The following IL1RAPL1 variants were observed in gnomAD, a reference collection of about 807,000 sequenced individuals.
IL1RAPL1 encodes interleukin 1 receptor accessory protein like 1.
IL1RAPL1 carries 3 observed loss-of-function variants against 48.4 expected under a neutral mutation model. The observed-to-expected ratio is 0.06, with a 90% CI of 0.03 to 0.16. The LOEUF is 0.16. Among genes scored for constraint, IL1RAPL1 ranks in the 10% least tolerant of loss-of-function variants. The probability of loss-of-function intolerance (pLI) is 1.00; values close to 1 mark genes in which losing one functional copy is unlikely to be tolerated. For missense variants in IL1RAPL1, 349 were observed against 530.6 expected (o/e 0.66, Z 3.36); for synonymous variants, 185 against 187.7 (o/e 0.99, Z 0.12).
chrX:29,332,934 G>A (rs1408451095), intron 3 of IL1RAPL1, among the ~76,000 whole-genome samples: 1 of 110,119 alleles, frequency 9.1e-6, no homozygotes, highest in African/African-American at 3.3e-5. Flanking sequence ...AGTGGACACA[G>A]CACATGTTTC....
intron 5 of IL1RAPL1, among the ~76,000 whole-genome samples, chrX:29,588,161 T>C (rs1375815530): frequency 1.8e-5 from 2 of 112,589 alleles, no homozygotes; most frequent in African/African-American, 6.5e-5. Context: ...AACATAAACA[T>C]GATTCTCTTT....
chrX:29,261,860 A>G, intron 2 of IL1RAPL1, among the ~76,000 whole-genome samples: 1 of 111,577 alleles, frequency 9.0e-6, no homozygotes. Flanking sequence ...CTTGCATAAT[A>G]CCTTTCCTTT....
At chrX:29,630,343 G>A (rs1039912485) in intron 5 of IL1RAPL1, among the ~76,000 whole-genome samples, 2 of 111,607 alleles carry the variant, frequency 1.8e-5, no homozygotes, top group African/African-American at 6.5e-5. Context: ...TTAGATCATA[G>A]CAATGACTAT....
intron 5 of IL1RAPL1, among the ~76,000 whole-genome samples, chrX:29,653,613 T>C (rs1189937126): frequency 9.0e-6 from 1 of 111,581 alleles, no homozygotes; most frequent in African/African-American, 3.2e-5. Flanking sequence ...TTATTTTTGG[T>C]AGTAATCATG....
intron 6 of IL1RAPL1, among the ~76,000 whole-genome samples, chrX:29,701,890 A>C (rs748151611): frequency 8.9e-6 from 1 of 111,877 alleles, no homozygotes; most frequent in Non-Finnish European, 1.9e-5. Flanking sequence ...AAGAGGAGTA[A>C]AAGAAAGCAT....
intron 3 of IL1RAPL1, among the ~76,000 whole-genome samples, chrX:29,382,030 G>C (rs1933718040): frequency 9.2e-6 from 1 of 108,726 alleles, no homozygotes; most frequent in Admixed American, 9.9e-5. Flanking sequence ...TTGTAAATTA[G>C]CCACCAAGGT....
At position 29,374,906 on chromosome X, in the gene IL1RAPL1, A is replaced by G. The variant is rs184300603; in HGVS notation, c.363-21352A>G. On this transcript the variant is annotated intron_variant, in intron 3 of 10. Transcript: ENST00000378993. ...AAATTGATATCCCAAATGTTTTGGA[A>G]TACTTCTAGGAAAAAACTCTCCTAC... Among the ~76,000 whole-genome samples the G allele has an allele frequency of 9.0e-5, 10 of 110,914 alleles. No individual in the cohort carries two copies. In the East Asian group the frequency reaches 1.7e-3, roughly 19 times the overall value.
chrX:28,994,377 G>A (rs761050268), intron 2 of IL1RAPL1, among the ~76,000 whole-genome samples: 1 of 111,566 alleles, frequency 9.0e-6, no homozygotes, highest in South Asian at 3.7e-4. Context: ...TGTGATTGCC[G>A]GAATGACTGG....
intron 6 of IL1RAPL1, among the ~76,000 whole-genome samples, chrX:29,722,175 CT>C (rs1569153894): frequency 9.0e-6 from 1 of 111,589 alleles, no homozygotes; most frequent in Non-Finnish European, 1.9e-5. Context: ...ACATAGTTAC[CT>C]TTTTTGTGGT....
At chrX:29,284,295 G>A (rs1190314919) in intron 3 of IL1RAPL1, among the ~76,000 whole-genome samples, 1 of 112,241 alleles carries the variant, frequency 8.9e-6, no homozygotes, top group African/African-American at 3.2e-5. Context: ...GGTGTGCTAG[G>A]ACATTGAAAT....
intron 2 of IL1RAPL1, among the ~76,000 whole-genome samples, chrX:28,878,210 C>T (rs1053607399): frequency 8.9e-6 from 1 of 111,815 alleles, no homozygotes; most frequent in African/African-American, 3.3e-5. Context: ...TACTTTATCT[C>T]AACCCTAGGT....
chrX:29,049,202 T>C (rs779969642), intron 2 of IL1RAPL1, among the ~76,000 whole-genome samples: 1 of 112,343 alleles, frequency 8.9e-6, no homozygotes, highest in African/African-American at 3.2e-5. Context: ...CAGACCGTTT[T>C]ATTGGCCTGA....
At position 29,831,983 on chromosome X, in the gene IL1RAPL1, A is replaced by G. The variant is rs141745487; in HGVS notation, c.779-85481A>G. Among the ~76,000 whole-genome samples, 52 of 111,943 alleles carry G rather than the reference A, an allele frequency of 4.6e-4. No individual in the cohort carries two copies. In the East Asian group the frequency reaches 0.013, roughly 29 times the overall value. On this transcript the variant is annotated intron_variant, in intron 6 of 10. Coordinates refer to ENST00000378993, the MANE Select transcript of IL1RAPL1 (RefSeq NM_014271.4). ...TAGTTCAGTTTTAGGTATTGCTTAT[A>G]TGATTTTTTCCATAATGCTGTCAAC...
intron 6 of IL1RAPL1, among the ~76,000 whole-genome samples, chrX:29,837,801 C>T (rs925668446): frequency 8.9e-6 from 1 of 112,044 alleles, no homozygotes; most frequent in Non-Finnish European, 1.9e-5. Context: ...AACACTTTAG[C>T]GTCATCTCGT....
chrX:28,969,886 CAT>C (rs749896724), intron 2 of IL1RAPL1, among the ~76,000 whole-genome samples: 72 of 107,188 alleles, frequency 6.7e-4, no homozygotes, highest in African/African-American at 2.0e-3. Context: ...TTTCTAAACA[CAT>C]ATATATGTTT....
chrX:28,713,292 G>A (rs1045647050), intron 1 of IL1RAPL1, among the ~76,000 whole-genome samples: 4 of 110,707 alleles, frequency 3.6e-5, no homozygotes, highest in South Asian at 3.9e-4. Context: ...TCCTGAACTC[G>A]TGATCTGCCC....
intron 5 of IL1RAPL1, among the ~76,000 whole-genome samples, chrX:29,579,403 A>C (rs16988694): frequency 0.014 from 1,525 of 111,892 alleles, 25 homozygotes; most frequent in African/African-American, 0.047. Context: ...ATAGAAAAAA[A>C]TTAGTGGAAG....
chrX:29,335,488 C>T (rs959397276), intron 3 of IL1RAPL1, among the ~76,000 whole-genome samples: 2 of 109,735 alleles, frequency 1.8e-5, no homozygotes, highest in Non-Finnish European at 1.9e-5. Flanking sequence ...TTAAATGAAA[C>T]AACTCTTTAT....
chrX:29,801,932 C>T (rs5928408), intron 6 of IL1RAPL1, among the ~76,000 whole-genome samples: 24,416 of 111,572 alleles, frequency 0.22, 2,005 homozygotes, highest in Admixed American at 0.39. Flanking sequence ...GTTTAATTCA[C>T]AAATCATTTA....
Sources: allele counts gnomAD v4.1 joint callset (sites outside exome capture counted in the v4.1 genomes callset), GRCh38; gene constraint gnomAD v4.1.1; transcripts MANE v1.5; gene names NCBI Gene and HGNC (gene_info 2026-07-23, HGNC 2026-07-21).